The following ADGRB3 variants were observed in gnomAD, a reference collection of about 807,000 sequenced individuals.
The protein encoded by ADGRB3 is adhesion G protein-coupled receptor B3, also known as brain-specific angiogenesis inhibitor 3.
In ADGRB3, 37 loss-of-function variants were observed where a neutral mutation model predicts 193.4. That is an observed-to-expected ratio of 0.19 (90% CI 0.15 to 0.25). The LOEUF is 0.25. ADGRB3 is among the 10% of genes least tolerant of loss of function. The probability of loss-of-function intolerance (pLI) is 1.00; values close to 1 mark genes in which losing one functional copy is unlikely to be tolerated. For synonymous variants in ADGRB3, 690 were observed against 644.2 expected, an observed-to-expected ratio of 1.07 and a Z score of -1.08; for missense variants, 1,637 against 1,852.9, an observed-to-expected ratio of 0.88 and a Z score of 2.14.
At chr6:69,101,351 T>A (rs924657856) in intron 17 of ADGRB3, among the ~76,000 whole-genome samples, 1 of 152,134 alleles carries the variant, frequency 6.6e-6, no homozygotes, top group Admixed American at 6.5e-5. Context: ...CAGTTCTATC[T>A]CTTTGTTTTT....
At chr6:69,247,993 G>T (rs1053254709) in intron 20 of ADGRB3, among the ~76,000 whole-genome samples, 5 of 152,156 alleles carry the variant, frequency 3.3e-5, no homozygotes, top group African/African-American at 1.2e-4. Flanking sequence ...CTCCTTTGAT[G>T]AGAGATGGTT....
chr6:68,955,929 G>A (rs1164511894), intron 6 of ADGRB3, 95 bp from the exon 7 acceptor site: 1 of 1,233,974 alleles, frequency 8.1e-7, no homozygotes, highest in Non-Finnish European at 1.1e-6. Flanking sequence ...CCATTGATTG[G>A]GGTTCATCTT....
chr6:68,772,840 A>C (rs1188049564), intron 3 of ADGRB3, among the ~76,000 whole-genome samples: 2 of 141,514 alleles, frequency 1.4e-5, no homozygotes, highest in Non-Finnish European at 3.0e-5. Flanking sequence ...CAACATGGTG[A>C]AAACCTATTT....
At chr6:69,313,400 T>G (rs529037693) in intron 20 of ADGRB3, among the ~76,000 whole-genome samples, 12 of 151,968 alleles carry the variant, frequency 7.9e-5, no homozygotes, top group African/African-American at 2.6e-4. Context: ...ACAAGACCAT[T>G]GATCAAACAT....
intron 20 of ADGRB3, among the ~76,000 whole-genome samples, chr6:69,302,380 C>A (rs190089683): frequency 6.6e-6 from 1 of 152,006 alleles, no homozygotes; most frequent in African/African-American, 2.4e-5. Flanking sequence ...AGAATGAGAA[C>A]ATTTTTTTCT....
chr6:68,739,766 A>G (rs969867563), intron 3 of ADGRB3, among the ~76,000 whole-genome samples: 2 of 152,228 alleles, frequency 1.3e-5, no homozygotes, highest in African/African-American at 4.8e-5. Flanking sequence ...CAGAATGTTT[A>G]CATATTCAAA....
At chr6:69,354,101 A>T in intron 26 of ADGRB3, 132 bp from the exon 27 acceptor site, 1 of 556,356 alleles carries the variant, frequency 1.8e-6, no homozygotes, top group Non-Finnish European at 3.2e-6. Context: ...GTTTTTTTAA[A>T]AAGAAGTAAA....
At chr6:68,654,284 A>G (rs1768441282) in intron 3 of ADGRB3, among the ~76,000 whole-genome samples, 1 of 151,900 alleles carries the variant, frequency 6.6e-6, no homozygotes. Context: ...AGTGGGGAGG[A>G]AATAATTCTT....
At chr6:68,820,537 T>A (rs1767729889) in intron 3 of ADGRB3, among the ~76,000 whole-genome samples, 1 of 152,008 alleles carries the variant, frequency 6.6e-6, no homozygotes, top group African/African-American at 2.4e-5. Flanking sequence ...AAATATACAA[T>A]AAATTATTTT....
At position 68,939,443 on chromosome 6, in the gene ADGRB3, T is replaced by G. The variant is rs1488804027; in HGVS notation, c.1030+2763T>G. Among the ~76,000 whole-genome samples, 3 of 152,268 alleles carry G rather than the reference T, an allele frequency of 2.0e-5. No homozygotes were observed. The East Asian group carries it at 5.8e-4, about 29-fold the overall frequency. On this transcript the variant is annotated intron_variant, in intron 5 of 31. Coordinates refer to ENST00000370598, the MANE Select transcript of ADGRB3 (RefSeq NM_001704.3). ...CTTTATATGCATGAAGTCTTTTTCC[T>G]TCTAAATTTGATTAAGTAGTACCAT...
chr6:68,643,052 A>G (rs2127276371), intron 3 of ADGRB3, among the ~76,000 whole-genome samples: 1 of 152,338 alleles, frequency 6.6e-6, no homozygotes, highest in East Asian at 1.9e-4. Flanking sequence ...GAAAAATTCT[A>G]CACCAGGATA....
chr6:68,829,164 A>G lies in ADGRB3; in HGVS notation c.758-101395A>G, dbSNP rs149561399. 1.5e-3 allele frequency among the ~76,000 whole-genome samples: 212 copies of G among 142,504 alleles called. 3 individuals carry two copies. The East Asian group carries it at 0.039, about 26-fold the overall frequency. 93.5% of individuals were successfully genotyped at this position (142,504 alleles called of 152,430 possible). The stretch of plus-strand genomic sequence containing the variant: ...GCCCAGGCTGGAGTGTAGTGGCACA[A>G]TCTCGGCTCACTGAAACCTCTGCCT... On this transcript the variant is annotated intron_variant, in intron 3 of 31. Transcript: ENST00000370598.
intron 11 of ADGRB3, among the ~76,000 whole-genome samples, chr6:69,003,002 G>A (rs538467896): frequency 6.6e-6 from 1 of 152,160 alleles, no homozygotes; most frequent in Non-Finnish European, 1.5e-5. Context: ...TTTAACACTT[G>A]TTAGCTCTGT....
chr6:69,087,071 A>G (rs1428277358), intron 17 of ADGRB3, among the ~76,000 whole-genome samples: 3 of 152,142 alleles, frequency 2.0e-5, no homozygotes, highest in African/African-American at 2.4e-5. Flanking sequence ...AGAATTATAC[A>G]CACATATAGA....
In ADGRB3 at chr6:68,868,133, T is replaced by C. The variant is rs923563586; in HGVS notation, c.758-62426T>C. On this transcript the variant is annotated intron_variant, in intron 3 of 31. Coordinates refer to ENST00000370598, the MANE Select transcript of ADGRB3 (RefSeq NM_001704.3). ...TTGGCTCTGTGTCCCCACCCAAATC[T>C]CATGTTTAATTATAATCCCCATATG... 2.6e-5 allele frequency among the ~76,000 whole-genome samples: 4 copies of C among 152,284 alleles called. No individual in the cohort carries two copies. The South Asian group carries it at 6.2e-4, about 24-fold the overall frequency.
intron 3 of ADGRB3, among the ~76,000 whole-genome samples, chr6:68,642,815 A>T (rs903430803): frequency 6.6e-6 from 1 of 151,970 alleles, no homozygotes; most frequent in African/African-American, 2.4e-5. Flanking sequence ...TTAAAAAAAA[A>T]AACTCAAATA....
chr6:69,007,301 A>T (rs1769788144), intron 11 of ADGRB3, among the ~76,000 whole-genome samples: 1 of 151,990 alleles, frequency 6.6e-6, no homozygotes, highest in South Asian at 2.1e-4. Flanking sequence ...ACTCTCCTAT[A>T]CTTTATTTTC....
At chr6:68,995,581 T>A (rs1048249402) in intron 11 of ADGRB3, among the ~76,000 whole-genome samples, 2 of 152,228 alleles carry the variant, frequency 1.3e-5, no homozygotes, top group Non-Finnish European at 2.9e-5. Context: ...TGGCTAATTA[T>A]CTTGTTTCAT....
chr6:68,844,244 T>A (rs1196246816), intron 3 of ADGRB3, among the ~76,000 whole-genome samples: 1 of 151,536 alleles, frequency 6.6e-6, no homozygotes, highest in African/African-American at 2.4e-5. Context: ...ACTCACAGAA[T>A]GAAAAAAAGA....
Sources: allele counts gnomAD v4.1 joint callset (sites outside exome capture counted in the v4.1 genomes callset), GRCh38; gene constraint gnomAD v4.1.1; transcripts MANE v1.5; gene names NCBI Gene and HGNC (gene_info 2026-07-23, HGNC 2026-07-21).